The following IQCM variants were observed in gnomAD, a reference collection of about 807,000 sequenced individuals.
The protein encoded by IQCM is IQ motif containing M.
IQCM carries 45 observed loss-of-function variants against 57.6 expected under a neutral mutation model. The observed-to-expected ratio is 0.78, with a 90% CI of 0.62 to 1.00. The LOEUF is 1.00. Ranked by LOEUF, IQCM falls within the 50% of genes least tolerant of loss-of-function variation. The pLI is 0.00. For missense variants in IQCM, 468 were observed against 511.6 expected (o/e 0.91, Z 0.82); for synonymous variants, 148 against 158.9 (o/e 0.93, Z 0.51).
chr4:149,596,854 A>G (rs1349536680), intron 8 of IQCM, among the ~76,000 whole-genome samples: 1 of 152,176 alleles, frequency 6.6e-6, no homozygotes, highest in Non-Finnish European at 1.5e-5. Context: ...AATTTTATCA[A>G]TCATTTTTAG....
intron 8 of IQCM, among the ~76,000 whole-genome samples, chr4:149,619,133 C>T (rs867084015): frequency 0.032 from 2,984 of 93,914 alleles, 118 homozygotes; most frequent in African/African-American, 0.097. Context: ...TATATATATA[C>T]ACCATGGAAT....
Position 149,403,747 on chromosome 4 carries a change from C to T in IQCM, c.1390+29649G>A, listed in dbSNP as rs903949867. Among the ~76,000 whole-genome samples the T allele has an allele frequency of 4.0e-5, 6 of 151,888 alleles. No homozygotes were observed. In the East Asian group the frequency reaches 7.8e-4, roughly 20 times the overall value. On this transcript the variant is annotated intron_variant, in intron 13 of 13. Transcript: ENST00000636793. ...AGCTTCGAGGATTCAGAAGGCAAAA[C>T]TGAGTGCGTAAGACATCATTTATAA... is the stretch of plus-strand genomic sequence containing the variant.
intron 13 of IQCM, among the ~76,000 whole-genome samples, chr4:149,388,160 T>C (rs180705068): frequency 7.0e-4 from 106 of 152,060 alleles, no homozygotes; most frequent in African/African-American, 2.4e-3. Flanking sequence ...TTGATGAGTT[T>C]TATACTGACT....
At chr4:149,493,299 A>C (rs1560910391) in intron 12 of IQCM, among the ~76,000 whole-genome samples, 1 of 152,102 alleles carries the variant, frequency 6.6e-6, no homozygotes, top group Non-Finnish European at 1.5e-5. Flanking sequence ...TTCTTACAAC[A>C]AAAACTTAAA....
intron 12 of IQCM, among the ~76,000 whole-genome samples, chr4:149,440,603 T>C (rs1293042031): frequency 6.6e-6 from 1 of 152,088 alleles, no homozygotes; most frequent in Non-Finnish European, 1.5e-5. Flanking sequence ...AATATATACA[T>C]TTTTTTCCTT....
intron 13 of IQCM, among the ~76,000 whole-genome samples, chr4:149,388,998 CTTATTTAT>C (rs533154379): frequency 9.9e-5 from 15 of 151,030 alleles, no homozygotes; most frequent in African/African-American, 1.7e-4. Context: ...TGAAGTACAA[CTTATTTAT>C]TTATTTATTT....
intron 12 of IQCM, among the ~76,000 whole-genome samples, chr4:149,443,663 AGAAAG>A (rs70965186): frequency 0.037 from 2,067 of 55,972 alleles, 28 homozygotes; most frequent in African/African-American, 0.044. Flanking sequence ...CCAATGGTAA[AGAAAG>A]GAAAGGAAAG....
intron 2 of IQCM, among the ~76,000 whole-genome samples, chr4:149,799,860 A>G (rs1773447569): frequency 6.6e-6 from 1 of 151,574 alleles, no homozygotes; most frequent in African/African-American, 2.4e-5. Flanking sequence ...AAAAAACAAA[A>G]AAACAAAAAA....
intron 7 of IQCM, among the ~76,000 whole-genome samples, chr4:149,641,069 G>A (rs556988380): frequency 2.0e-5 from 3 of 152,300 alleles, no homozygotes; most frequent in Admixed American, 6.5e-5. Context: ...GGAAGAGGTT[G>A]CAGTGAGCTA....
chr4:149,666,743 G>A lies in IQCM; in HGVS notation c.565+15375C>T, dbSNP rs186821776. Among the ~76,000 whole-genome samples, 444 of 152,222 alleles carry A rather than the reference G, an allele frequency of 2.9e-3. 7 individuals are homozygous for A. The highest frequency in any genetic ancestry group is 0.01 in the African/African-American group (418 of 41,540). ...CTGGGATACTAGAGCTTGGTGGGGG[G>A]AGGGGTGTCTGCCATTACTGAGGCT... On this transcript the variant is annotated intron_variant, in intron 7 of 13. Transcript: ENST00000636793.
At chr4:149,696,191 A>G (rs1411897104) in intron 5 of IQCM, among the ~76,000 whole-genome samples, 1 of 152,148 alleles carries the variant, frequency 6.6e-6, no homozygotes, top group Non-Finnish European at 1.5e-5. Flanking sequence ...AACTGCTCTC[A>G]TCAAAGATAC....
intron 13 of IQCM, among the ~76,000 whole-genome samples, chr4:149,358,883 C>CATGATATACTCTCATGAGTATAT (rs1172987438): frequency 9.3e-4 from 76 of 81,600 alleles, no homozygotes; most frequent in Middle Eastern, 7.2e-3. Flanking sequence ...TATCATGAGA[C>CATGATATACTCTCATGAGTATAT]CACAGTGGAG....
At chr4:149,427,413 A>G (rs190915627) in intron 13 of IQCM, among the ~76,000 whole-genome samples, 1 of 152,076 alleles carries the variant, frequency 6.6e-6, no homozygotes, top group East Asian at 1.9e-4. Flanking sequence ...TTCTTTATCT[A>G]ATAGACCTGG....
intron 2 of IQCM, among the ~76,000 whole-genome samples, chr4:149,764,611 T>C (rs181966490): frequency 2.6e-5 from 4 of 152,230 alleles, no homozygotes; most frequent in Admixed American, 2.6e-4. Flanking sequence ...CATCAACAAA[T>C]GTTGAATGCC....
intron 8 of IQCM, among the ~76,000 whole-genome samples, chr4:149,593,064 C>T (rs879715940): frequency 3.3e-5 from 5 of 152,086 alleles, no homozygotes; most frequent in East Asian, 3.9e-4. Flanking sequence ...GCCATTTTCA[C>T]GATATTGGTT....
chr4:149,732,443 T>C (rs994068513), intron 5 of IQCM, among the ~76,000 whole-genome samples: 6 of 152,142 alleles, frequency 3.9e-5, no homozygotes, highest in Admixed American at 3.9e-4. Flanking sequence ...AGTGTTTCCA[T>C]AATGCTTCAC....
At chr4:149,657,015 C>T (rs958515980) in intron 7 of IQCM, among the ~76,000 whole-genome samples, 4 of 152,114 alleles carry the variant, frequency 2.6e-5, no homozygotes, top group African/African-American at 9.7e-5. Flanking sequence ...CATACAAGAA[C>T]ATTCAAAATC....
intron 5 of IQCM, among the ~76,000 whole-genome samples, chr4:149,730,764 A>T (rs550752168): frequency 6.6e-6 from 1 of 152,360 alleles, no homozygotes; most frequent in East Asian, 1.9e-4. Context: ...ACTTTCTATT[A>T]CAGTATGAGT....
At chr4:149,763,252 A>T (rs1769710243) in intron 2 of IQCM, among the ~76,000 whole-genome samples, 1 of 152,080 alleles carries the variant, frequency 6.6e-6, no homozygotes, top group Non-Finnish European at 1.5e-5. Context: ...GAACAAACAA[A>T]AAAAGCCTAG....
Sources: allele counts gnomAD v4.1 joint callset (sites outside exome capture counted in the v4.1 genomes callset), GRCh38; gene constraint gnomAD v4.1.1; transcripts MANE v1.5; gene names NCBI Gene and HGNC (gene_info 2026-07-23, HGNC 2026-07-21).